The following YLPM1 variants were observed in gnomAD, a reference collection of about 807,000 sequenced individuals.
YLPM1 encodes the protein YLP motif containing 1.
Under a neutral mutation model 230.0 loss-of-function variants are expected in YLPM1, and 99 were observed. The observed-to-expected ratio is 0.43, with a 90% confidence interval of 0.37 to 0.51. The LOEUF (loss-of-function observed/expected upper bound fraction) is 0.51, where lower values mean the gene tolerates loss of function less well. Ranked by LOEUF, YLPM1 falls within the 20% of genes least tolerant of loss-of-function variation. The pLI is 0.00. For missense variants in YLPM1, 2,592 were observed against 2,707.7 expected, an observed-to-expected ratio of 0.96 and a Z score of 0.95; for synonymous variants, 984 against 942.5, an observed-to-expected ratio of 1.04 and a Z score of -0.81.
intron 6 of YLPM1, among the ~76,000 whole-genome samples, chr14:74,808,695 T>A (rs2091403013): frequency 6.6e-6 from 1 of 151,318 alleles, no homozygotes. Context: ...TCCCAGTTAC[T>A]CAGAAGGCTG....
At chr14:74,823,818 A>G (rs1163588110) in intron 17 of YLPM1, among the ~76,000 whole-genome samples, 1 of 152,112 alleles carries the variant, frequency 6.6e-6, no homozygotes, top group Non-Finnish European at 1.5e-5. Flanking sequence ...ATCTTGAAGA[A>G]CACTTTTTGC....
Position 74,799,085 on chromosome 14 carries a change from C to T in YLPM1, c.3788C>T (p.Pro1263Leu), listed in dbSNP as rs2091296691. The change falls in exon 5 of 21, where the codon CCT (proline) becomes CTT (leucine). Residue 1263 changes from proline to leucine, a missense_variant. Transcript: ENST00000325680. Reference sequence around the variant, plus strand: ...TCTCATGATGGAGATAGGCGAGGCCCTTGGTGGGATGATTGGGAGAGAGAC... The same window carrying T: ...TCTCATGATGGAGATAGGCGAGGCCTTTGGTGGGATGATTGGGAGAGAGAC... ...SRSHDGDRRGPWWDDWERDQD... is the reference protein window; with the variant it reads ...SRSHDGDRRGLWWDDWERDQD... 2 of 1,613,866 alleles carry T rather than the reference C, an allele frequency of 1.2e-6. No individual in the cohort carries two copies. The highest frequency in any genetic ancestry group is 8.5e-7 in the Non-Finnish European group (1 of 1,179,860).
Position 74,796,968 on chromosome 14 carries a change from CTTTT to C in YLPM1, c.2283-595_2283-592del, listed in dbSNP as rs3083626. ...TCCTAAGGCACAGTATTTATAATTG[CTTTT>C]TTTTTTTTTTTTTTTTGAGACGGAG... is the stretch of plus-strand genomic sequence containing the variant. On this transcript the variant is annotated intron_variant, in intron 4 of 20. Coordinates refer to ENST00000325680, the MANE Select transcript of YLPM1 (RefSeq NM_019589.3). Among the ~76,000 whole-genome samples the C allele has an allele frequency of 1.6e-4, 14 of 88,952 alleles. No homozygotes were observed. In the East Asian group the frequency reaches 1.8e-3, roughly 12 times the overall value. The allele number at this position is 88,952 out of a possible 152,430, so 58.4% of individuals were successfully genotyped here. A position where few individuals can be genotyped will look rare whatever the true frequency, so the allele number is the denominator to read the frequency against.
At chr14:74,819,315 C>A (rs887979326) in intron 16 of YLPM1, among the ~76,000 whole-genome samples, 1 of 146,800 alleles carries the variant, frequency 6.8e-6, no homozygotes, top group Non-Finnish European at 1.5e-5. Flanking sequence ...CACTCTGTCA[C>A]CTAGATTGTA....
At position 74,812,679 on chromosome 14, in the gene YLPM1, T is replaced by C. The variant is rs1265273157; in HGVS notation, c.5399T>C (p.Leu1800Pro). The C allele has an allele frequency of 6.2e-7, 1 of 1,613,588 alleles. No homozygotes were observed. Among genetic ancestry groups the C allele is most frequent in the Non-Finnish European group, 8.5e-7 (1 of 1,179,734 alleles). Residue 1800 changes from leucine (L) to proline (P), a missense_variant, in exon 11 of 21, where the codon CTG becomes CCG. Transcript: ENST00000325680. ...CGAATGCCTCTGCCAGCTCCTTCAC[T>C]GAGCCACCAGCCTCCTCCAGCTCCA... ...EERMPLPAPS[L>P]SHQPPPAPRV...
At chr14:74,781,305 T>G (rs2091089283) in intron 3 of YLPM1, 29 bp from the exon 4 acceptor site, 3 of 1,491,946 alleles carry the variant, frequency 2.0e-6, no homozygotes, top group Non-Finnish European at 2.7e-6. Flanking sequence ...ATGAATGGTT[T>G]TAAATAGTTT....
chr14:74,798,411 C>G lies in YLPM1; in HGVS notation c.3114C>G (p.Asn1038Lys). The change falls in exon 5 of 21, where the codon AAC (asparagine) becomes AAG (lysine). Residue 1038 changes from asparagine (N) to lysine (K), a missense_variant. Physicochemically the swap from Asn to Lys is moderately conservative, Grantham distance 94. Coordinates refer to ENST00000325680, the MANE Select transcript of YLPM1 (RefSeq NM_019589.3). Reference sequence around the variant, plus strand: ...ACACACGGGATAAAGGTCTAGTAAACAGAGGTCGCGGCCAGGCAATCAGTC... The same window carrying G: ...ACACACGGGATAAAGGTCTAGTAAAGAGAGGTCGCGGCCAGGCAATCAGTC... ...MEDTRDKGLV[N>K]RGRGQAISRG... is the part of the protein sequence containing the mutation. 6.2e-7 allele frequency: 1 copy of G among 1,613,932 alleles called. No homozygotes were observed. The highest frequency in any genetic ancestry group is 8.5e-7 in the Non-Finnish European group (1 of 1,179,886).
chr14:74,770,897 T>C (rs1231082820), intron 1 of YLPM1, among the ~76,000 whole-genome samples: 1 of 152,218 alleles, frequency 6.6e-6, no homozygotes, highest in African/African-American at 2.4e-5. Context: ...AGAATAGTTA[T>C]TGAAGTAATC....
At chr14:74,770,042 C>T (rs554479688) in intron 1 of YLPM1, among the ~76,000 whole-genome samples, 51 of 151,692 alleles carry the variant, frequency 3.4e-4, no homozygotes, top group Admixed American at 1.2e-3. Context: ...ATTAGCCGGG[C>T]GTGGTGGTGG....
Position 74,764,032 on chromosome 14 carries a change from G to A in YLPM1, c.543G>A (p.Gln181=), listed in dbSNP as rs764442899. 12 of 1,598,138 alleles carry A rather than the reference G, an allele frequency of 7.5e-6. No individual in the cohort carries two copies. The highest frequency in any genetic ancestry group is 1.0e-5 in the Non-Finnish European group (12 of 1,174,572). Residue 181 remains glutamine, a synonymous_variant, in exon 1 of 21, where the codon CAG becomes CAA. Transcript: ENST00000325680. The part of the protein sequence containing the change: ...PPSYYPPTSS[Q]PYLPPAQPSP... ...CTTACTACCCCCCGACCTCATCTCA[G>A]CCCTACCTGCCTCCTGCTCAGCCGT... is the stretch of plus-strand genomic sequence containing the variant.
At chr14:74,808,417 C>T (rs1332572384) in intron 6 of YLPM1, among the ~76,000 whole-genome samples, 4 of 152,112 alleles carry the variant, frequency 2.6e-5, no homozygotes, top group Non-Finnish European at 5.9e-5. Flanking sequence ...AATAGTACGG[C>T]TATGAATGTT....
chr14:74,816,334 T>A (rs1019614716), intron 12 of YLPM1, 69 bp downstream of exon 12: 4 of 1,493,258 alleles, frequency 2.7e-6, no homozygotes, highest in Non-Finnish European at 2.8e-6. Flanking sequence ...GCCTTCTTAT[T>A]AATAGCAAGC....
At chr14:74,778,402 T>C in intron 1 of YLPM1, 45 bp from the exon 2 acceptor site, 1 of 1,520,782 alleles carries the variant, frequency 6.6e-7, no homozygotes, top group Non-Finnish European at 8.9e-7. Context: ...GTTGCAGAGA[T>C]ACATGATTGT....
intron 1 of YLPM1, among the ~76,000 whole-genome samples, chr14:74,765,196 C>T (rs2090899736): frequency 1.3e-5 from 2 of 152,124 alleles, no homozygotes. Flanking sequence ...AAACGAGTTC[C>T]CCCTTGAGAG....
intron 6 of YLPM1, among the ~76,000 whole-genome samples, chr14:74,807,009 G>A (rs746383716): frequency 1.3e-5 from 2 of 152,004 alleles, no homozygotes; most frequent in Non-Finnish European, 2.9e-5. Context: ...AGACTGAATA[G>A]CTTCATCCTA....
intron 1 of YLPM1, among the ~76,000 whole-genome samples, chr14:74,769,259 CTTTTTTTTTTTTTTTTTTT>C (rs34023289): frequency 5.2e-5 from 2 of 38,410 alleles, no homozygotes; most frequent in South Asian, 3.6e-3. Flanking sequence ...GTATTTTTAT[CTTTTTTTTTTTTTTTTTTT>C]TTTTTTTTTT....
chr14:74,811,802 T>C lies in YLPM1; in HGVS notation c.5347+64T>C, dbSNP rs185593136. On this transcript the variant is annotated intron_variant, in intron 10 of 20. Transcript: ENST00000325680. ...TGTAAAGCATGGGAGATGCTTTCCA[T>C]TGTAGCTATGAATTTAAACTTTTAG... 361 of 1,136,582 alleles carry C rather than the reference T, an allele frequency of 3.2e-4. 3 individuals are homozygous for C. The African/African-American group carries it at 5.5e-3, about 17-fold the overall frequency. 70.4% of individuals were successfully genotyped at this position (1,136,582 alleles called of 1,614,324 possible).
chr14:74,787,213 A>T (rs2091158840), intron 4 of YLPM1, among the ~76,000 whole-genome samples: 1 of 152,172 alleles, frequency 6.6e-6, no homozygotes, highest in South Asian at 2.1e-4. Flanking sequence ...TATCCATTAT[A>T]TGTATTACAA....
Position 74,802,687 on chromosome 14 carries a change from A to G in YLPM1, c.4521+11A>G, listed in dbSNP as rs533217488. ...CCTGGAATGTATCCGGTATGGGAGA[A>G]TGTGTGCTCAGAAAATGAAATGGTT... On this transcript the variant is annotated intron_variant, in intron 6 of 20. Coordinates refer to ENST00000325680, the MANE Select transcript of YLPM1 (RefSeq NM_019589.3). 4 of 1,582,722 alleles carry G rather than the reference A, an allele frequency of 2.5e-6. No homozygotes were observed. In the South Asian group the frequency reaches 4.7e-5, roughly 19 times the overall value.
Sources: allele counts gnomAD v4.1 joint callset (sites outside exome capture counted in the v4.1 genomes callset), GRCh38; gene constraint gnomAD v4.1.1; transcripts MANE v1.5; gene names NCBI Gene and HGNC (gene_info 2026-07-23, HGNC 2026-07-21).